GNAO1: variants seen among roughly 807,000 people sequenced by gnomAD.
GNAO1 encodes the protein guanine nucleotide-binding protein G(o) subunit alpha.
For missense variants in GNAO1, 166 were observed against 478.7 expected (o/e 0.35, Z 6.10); for synonymous variants, 164 against 180.7 (o/e 0.91, Z 0.74).
chr16:56,270,445 CAT>C (rs1173164669), intron 2 of GNAO1: 42 of 152,130 alleles, frequency 2.8e-4, no homozygotes, highest in Admixed American at 1.4e-3. Flanking sequence ...CACACACACA[CAT>C]AACACACACA....
intron 2 of GNAO1, among the ~76,000 whole-genome samples, chr16:56,231,427 C>G (rs1355718309): frequency 6.6e-6 from 1 of 152,182 alleles, no homozygotes; most frequent in African/African-American, 2.4e-5. Context: ...ACCACCTTTC[C>G]TGTATTTGTG....
intron 6 of GNAO1, chr16:56,343,687 G>A: frequency 2.5e-6 from 3 of 1,222,284 alleles, no homozygotes; most frequent in Non-Finnish European, 3.5e-6. Flanking sequence ...GGCCACACAG[G>A]CCAGGCTGGG....
At chr16:56,332,992 G>T (rs1422684690) in intron 4 of GNAO1, among the ~76,000 whole-genome samples, 1 of 152,206 alleles carries the variant, frequency 6.6e-6, no homozygotes, top group Admixed American at 6.5e-5. Flanking sequence ...GAGGCCGGGG[G>T]CGTGTACAGG....
chr16:56,342,650 C>T (rs1479558400), intron 6 of GNAO1, among the ~76,000 whole-genome samples: 1 of 152,256 alleles, frequency 6.6e-6, no homozygotes, highest in East Asian at 1.9e-4. Flanking sequence ...CTTCTTCTCC[C>T]ATCTGGCCCA....
intron 2 of GNAO1, among the ~76,000 whole-genome samples, chr16:56,229,955 A>T (rs1356344874): frequency 1.3e-5 from 2 of 152,156 alleles, no homozygotes; most frequent in Admixed American, 1.3e-4. Flanking sequence ...CATCGCCTGT[A>T]GCAGTCCACC....
intron 3 of GNAO1, among the ~76,000 whole-genome samples, chr16:56,291,858 C>T (rs1412350590): frequency 6.6e-6 from 1 of 152,134 alleles, no homozygotes; most frequent in African/African-American, 2.4e-5. Context: ...CAAAAGGCTC[C>T]CTCAAGCCTG....
At chr16:56,262,042 G>A (rs1317800557) in intron 2 of GNAO1, among the ~76,000 whole-genome samples, 1 of 152,224 alleles carries the variant, frequency 6.6e-6, no homozygotes, top group Non-Finnish European at 1.5e-5. Flanking sequence ...TGTGGATCAG[G>A]AACTCACTCA....
At chr16:56,204,589 G>A (rs2143310510) in intron 2 of GNAO1, among the ~76,000 whole-genome samples, 1 of 152,284 alleles carries the variant, frequency 6.6e-6, no homozygotes, top group South Asian at 2.1e-4. Context: ...CCCCAGGAAG[G>A]GAATGTGCTT....
chr16:56,269,438 C>T (rs1005367710), intron 2 of GNAO1, among the ~76,000 whole-genome samples: 1 of 152,136 alleles, frequency 6.6e-6, no homozygotes, highest in African/African-American at 2.4e-5. Context: ...TCCCTCGTAC[C>T]AAGTATGGCA....
intron 2 of GNAO1, among the ~76,000 whole-genome samples, chr16:56,208,272 C>T (rs539709869): frequency 6.6e-6 from 1 of 152,182 alleles, no homozygotes; most frequent in African/African-American, 2.4e-5. Context: ...CATGAATATG[C>T]TATATATTAT....
intron 2 of GNAO1, among the ~76,000 whole-genome samples, chr16:56,242,518 C>T (rs1187047489): frequency 6.6e-6 from 1 of 152,074 alleles, no homozygotes; most frequent in Admixed American, 6.5e-5. Context: ...TAAACTTATA[C>T]ATCTATGACC....
In GNAO1 at chr16:56,354,559, C is replaced by T. The variant is rs975645985; in HGVS notation, c.878-307C>T. Among the ~76,000 whole-genome samples the T allele has an allele frequency of 6.6e-5, 10 of 152,174 alleles. No homozygotes were observed. Among genetic ancestry groups the T allele is most frequent in the Non-Finnish European group, 7.3e-5 (5 of 68,038 alleles). ...GGCGTGGTGGCACGCGCCTGTATTA[C>T]CAGCTACTCAGGAGGCTGAGGCAGG... On this transcript the variant is annotated intron_variant, in intron 7 of 8. Coordinates refer to ENST00000262493, the MANE Select transcript of GNAO1 (RefSeq NM_020988.3). This position sits in a 1 kb window ranked among gnomAD's most constrained non-coding sequence, Gnocchi z 4.3.
At chr16:56,215,242 T>A (rs2036427609) in intron 2 of GNAO1, among the ~76,000 whole-genome samples, 1 of 152,200 alleles carries the variant, frequency 6.6e-6, no homozygotes, top group South Asian at 2.1e-4. Context: ...TTACACAGGA[T>A]GTCTGTACCC....
intron 3 of GNAO1, among the ~76,000 whole-genome samples, chr16:56,325,641 A>C (rs2037623943): frequency 6.6e-6 from 1 of 151,886 alleles, no homozygotes; most frequent in South Asian, 2.1e-4. Context: ...AACCAGGGGG[A>C]AGGCGGCTGG....
intron 2 of GNAO1, among the ~76,000 whole-genome samples, chr16:56,213,836 A>G (rs1422960552): frequency 2.6e-5 from 4 of 152,110 alleles, no homozygotes; most frequent in African/African-American, 7.2e-5. Flanking sequence ...GGAGTCACAA[A>G]AAAAAACTGG....
intron 2 of GNAO1, among the ~76,000 whole-genome samples, chr16:56,269,355 G>T (rs1352475705): frequency 6.6e-6 from 1 of 151,932 alleles, no homozygotes; most frequent in Non-Finnish European, 1.5e-5. Flanking sequence ...TTCCCTCCCC[G>T]TGGACCCAGT....
chr16:56,345,820 T>C (rs1240903631), intron 6 of GNAO1: 3 of 985,414 alleles, frequency 3.0e-6, no homozygotes, highest in Admixed American at 1.2e-4. Flanking sequence ...CCGCTTACTC[T>C]GCTCCGAACT....
chr16:56,336,613 A>G, intron 5 of GNAO1, 118 bp from the exon 6 acceptor site: 8 of 906,070 alleles, frequency 8.8e-6, no homozygotes, highest in Non-Finnish European at 1.3e-5. Context: ...GAGGGCTTTT[A>G]GCAAGGCTCT....
intron 2 of GNAO1, among the ~76,000 whole-genome samples, chr16:56,238,644 C>T (rs1169561305): frequency 1.3e-5 from 2 of 152,274 alleles, no homozygotes; most frequent in African/African-American, 4.8e-5. Flanking sequence ...TCTCTTTCCA[C>T]GCTGCAGGGT....
Sources: gnomAD v4.1 joint callset for allele counts (sites outside exome capture counted in the v4.1 genomes callset) on GRCh38, gnomAD v4.1.1 for gene constraint, Gnocchi (gnomAD v3.1) non-coding constraint, MANE v1.5 for transcripts, NCBI Gene and HGNC (gene_info 2026-07-23, HGNC 2026-07-21) for gene names.